The following SYT9 variants were observed in gnomAD, a reference collection of about 807,000 sequenced individuals.
SYT9 encodes the protein synaptotagmin 9, also known as synaptotagmin-9.
SYT9 carries 22 observed loss-of-function variants against 48.4 expected under a neutral mutation model. The ratio of observed to expected loss-of-function variants is 0.45; its 90% CI spans 0.32 to 0.65. SYT9 has a LOEUF of 0.65. Ranked by LOEUF, SYT9 falls within the 30% of genes least tolerant of loss-of-function variation. SYT9 has a pLI of 0.03. For missense variants in SYT9, 577 were observed against 622.0 expected (o/e 0.93, Z 0.77); for synonymous variants, 265 against 245.0 (o/e 1.08, Z -0.76).
At chr11:7,305,993 A>T (rs777277175) in intron 2 of SYT9, among the ~76,000 whole-genome samples, 1 of 152,090 alleles carries the variant, frequency 6.6e-6, no homozygotes, top group Admixed American at 6.5e-5. Context: ...ATCTTCTAAG[A>T]ATGTTTCTGG....
At chr11:7,348,537 G>A (rs1478737484) in intron 3 of SYT9, among the ~76,000 whole-genome samples, 1 of 151,998 alleles carries the variant, frequency 6.6e-6, no homozygotes, top group Non-Finnish European at 1.5e-5. Context: ...CACAGATACT[G>A]AACATTCTGT....
chr11:7,366,862 G>C (rs886531780), intron 3 of SYT9, among the ~76,000 whole-genome samples: 1 of 151,862 alleles, frequency 6.6e-6, no homozygotes, highest in African/African-American at 2.4e-5. Flanking sequence ...TCAAGTGCCA[G>C]ATTCAATTCT....
At chr11:7,326,873 G>A (rs1849446798) in intron 3 of SYT9, among the ~76,000 whole-genome samples, 1 of 72,382 alleles carries the variant, frequency 1.4e-5, no homozygotes, top group African/African-American at 5.3e-5. Flanking sequence ...GCCATATGTA[G>A]AAAGCTGAAA....
intron 1 of SYT9, among the ~76,000 whole-genome samples, chr11:7,290,160 A>T (rs1019567831): frequency 2.6e-5 from 4 of 152,246 alleles, no homozygotes; most frequent in African/African-American, 9.6e-5. Context: ...GAGGAAAAAA[A>T]TAGGGAAAAT....
At chr11:7,258,119 C>T (rs902204210) in intron 1 of SYT9, among the ~76,000 whole-genome samples, 1 of 152,164 alleles carries the variant, frequency 6.6e-6, no homozygotes. Flanking sequence ...TATGTTTGTG[C>T]TGCAAGTGCA....
At chr11:7,388,572 A>G (rs1345736473) in intron 3 of SYT9, among the ~76,000 whole-genome samples, 1 of 152,136 alleles carries the variant, frequency 6.6e-6, no homozygotes, top group African/African-American at 2.4e-5. Context: ...TGATTTGATC[A>G]CTGATAATTG....
chr11:7,408,401 T>G (rs549240488), intron 3 of SYT9, among the ~76,000 whole-genome samples: 1 of 152,366 alleles, frequency 6.6e-6, no homozygotes, highest in African/African-American at 2.4e-5. Flanking sequence ...GTGCTGGGAT[T>G]ACAGGCGTGA....
chr11:7,314,067 C>G, intron 3 of SYT9, 126 bp downstream of exon 3: 6 of 1,089,718 alleles, frequency 5.5e-6, no homozygotes, highest in South Asian at 4.4e-5. Context: ...GCAGTTATTT[C>G]AGAACCTCCT....
intron 3 of SYT9, among the ~76,000 whole-genome samples, chr11:7,391,756 A>AAAAAAAAC (rs1846617517): frequency 7.4e-6 from 1 of 134,252 alleles, no homozygotes; most frequent in African/African-American, 2.8e-5. Context: ...AAAAAAAAAA[A>AAAAAAAAC]AAAAAAAAAC....
intron 3 of SYT9, among the ~76,000 whole-genome samples, chr11:7,344,295 G>T (rs1849762531): frequency 1.3e-5 from 2 of 151,720 alleles, no homozygotes; most frequent in Non-Finnish European, 2.9e-5. Context: ...AAATATTCTG[G>T]ATGCCAGTCC....
chr11:7,422,326 C>G (rs1220908477), intron 6 of SYT9, among the ~76,000 whole-genome samples: 1 of 152,118 alleles, frequency 6.6e-6, no homozygotes, highest in Non-Finnish European at 1.5e-5. Flanking sequence ...TCAAGAAGAG[C>G]CTAGGACCCC....
At chr11:7,325,150 A>C (rs918149773) in intron 3 of SYT9, among the ~76,000 whole-genome samples, 1 of 152,078 alleles carries the variant, frequency 6.6e-6, no homozygotes, top group African/African-American at 2.4e-5. Context: ...TCTGTGAAGA[A>C]AGTCATTGGT....
chr11:7,305,956 A>G (rs1227491182), intron 2 of SYT9, among the ~76,000 whole-genome samples: 1 of 151,970 alleles, frequency 6.6e-6, no homozygotes, highest in Non-Finnish European at 1.5e-5. Flanking sequence ...TGCCTTTTTG[A>G]AATGTCCTAA....
intron 1 of SYT9, among the ~76,000 whole-genome samples, chr11:7,300,204 G>A (rs1162953116): frequency 6.6e-6 from 1 of 151,850 alleles, no homozygotes; most frequent in African/African-American, 2.4e-5. Context: ...TGGATCTGTG[G>A]ATCAGCTGTA....
chr11:7,357,619 T>C (rs758981479), intron 3 of SYT9, among the ~76,000 whole-genome samples: 2 of 152,100 alleles, frequency 1.3e-5, no homozygotes, highest in South Asian at 4.1e-4. Context: ...ATTCCATCAA[T>C]TGCATCAATA....
At chr11:7,440,501 A>T (rs1350302828) in intron 6 of SYT9, 1 of 152,226 alleles carries the variant, frequency 6.6e-6, no homozygotes, top group East Asian at 1.9e-4. Context: ...TACCTTCCCA[A>T]TGTTGAGTAA....
At chr11:7,316,067 GGT>G (rs1400554591) in intron 3 of SYT9, among the ~76,000 whole-genome samples, 14 of 149,676 alleles carry the variant, frequency 9.4e-5, no homozygotes, top group Middle Eastern at 3.4e-3. Context: ...GGGGTTGTGG[GGT>G]TTTTTTTTGT....
intron 6 of SYT9, among the ~76,000 whole-genome samples, chr11:7,451,726 G>T (rs1306979011): frequency 6.6e-6 from 1 of 152,182 alleles, no homozygotes; most frequent in Non-Finnish European, 1.5e-5. Context: ...AAGCTGTGAG[G>T]ATGCAAATGT....
chr11:7,447,975 T>C (rs1474291713), intron 6 of SYT9, among the ~76,000 whole-genome samples: 1 of 152,218 alleles, frequency 6.6e-6, no homozygotes, highest in African/African-American at 2.4e-5. Context: ...CATTGTATGG[T>C]TTCAGAAGAT....
Sources: gnomAD v4.1 joint callset for allele counts (sites outside exome capture counted in the v4.1 genomes callset) on GRCh38, gnomAD v4.1.1 for gene constraint, MANE v1.5 for transcripts, NCBI Gene and HGNC (gene_info 2026-07-23, HGNC 2026-07-21) for gene names.